CFAP70: variants seen among roughly 807,000 people sequenced by gnomAD.
The protein encoded by CFAP70 is cilia and flagella associated protein 70, also known as cilia- and flagella-associated protein 70.
A neutral mutation model predicts 137.6 loss-of-function variants in CFAP70; 81 were observed. The observed-to-expected ratio is 0.59, with a 90% CI of 0.49 to 0.71. The LOEUF is 0.71. Ranked by LOEUF, CFAP70 falls within the 30% of genes least tolerant of loss-of-function variation. The pLI, the probability that CFAP70 is intolerant of heterozygous loss-of-function variation, is 0.00. For missense variants in CFAP70, 976 were observed against 1,226.7 expected (o/e 0.80, Z 3.05); for synonymous variants, 382 against 423.6 (o/e 0.90, Z 1.20).
intron 3 of CFAP70, among the ~76,000 whole-genome samples, chr10:73,352,061 C>T (rs1438797268): frequency 1.3e-5 from 2 of 152,144 alleles, no homozygotes; most frequent in African/African-American, 2.4e-5. Flanking sequence ...GACTCATTAC[C>T]CTTGGGTGAT....
At chr10:73,361,547 T>C (rs2055010061), upstream of CFAP70, among the ~76,000 whole-genome samples, 1 of 152,074 alleles carries the variant, frequency 6.6e-6, no homozygotes, top group Non-Finnish European at 1.5e-5. Flanking sequence ...TTTAGTGGTA[T>C]GGAAAATATA....
At chr10:73,297,011 A>T in intron 15 of CFAP70, 31 bp downstream of exon 16, 1 of 1,604,096 alleles carries the variant, frequency 6.2e-7, no homozygotes, top group East Asian at 2.2e-5. Flanking sequence ...TCTACAGAGA[A>T]AAGAAAGTGC....
At chr10:73,352,276 A>G (rs2054338402) in intron 3 of CFAP70, among the ~76,000 whole-genome samples, 1 of 152,210 alleles carries the variant, frequency 6.6e-6, no homozygotes, top group Admixed American at 6.5e-5. Context: ...TCACTAGGGT[A>G]ATGGAGAACC....
intron 25 of CFAP70, among the ~76,000 whole-genome samples, chr10:73,268,100 T>C (rs1439242720): frequency 6.6e-6 from 1 of 152,258 alleles, no homozygotes; most frequent in Admixed American, 6.5e-5. Context: ...ACTGATTTGG[T>C]ATTTTATTTA....
Position 73,341,421 on chromosome 10 carries a change from T to C in CFAP70, c.560A>G (p.Glu187Gly), listed in dbSNP as rs1223837902. The C allele has an allele frequency of 3.1e-6, 5 of 1,611,920 alleles. No individual in the cohort carries two copies. The Admixed American group carries it at 6.7e-5, about 22-fold the overall frequency. The change falls in exon 6 of 27, where the codon GAA becomes GGA. Residue 187 changes from glutamate to glycine, a missense_variant. Transcript: ENST00000310715. ...CACCTCAGGATGGTTGAGTTCTCCT[T>C]CTTCTTCTTCATAGGGACCACCAAC...
At chr10:73,352,050 GGA>G (rs1377476869) in intron 3 of CFAP70, among the ~76,000 whole-genome samples, 1 of 152,178 alleles carries the variant, frequency 6.6e-6, no homozygotes, top group African/African-American at 2.4e-5. Flanking sequence ...CAGTGGGTGT[GGA>G]CTCATTACCC....
chr10:73,323,700 A>T (rs951482638), intron 8 of CFAP70, among the ~76,000 whole-genome samples: 2 of 152,210 alleles, frequency 1.3e-5, no homozygotes, highest in East Asian at 3.9e-4. Flanking sequence ...GGAGGGTCCT[A>T]TGCCCATGGA....
intron 12 of CFAP70, among the ~76,000 whole-genome samples, chr10:73,302,242 G>A (rs1356984499): frequency 1.3e-5 from 2 of 152,182 alleles, no homozygotes; most frequent in Non-Finnish European, 2.9e-5. Context: ...CAAGCACTGA[G>A]CTCTGGGGGA....
intron 24 of CFAP70, among the ~76,000 whole-genome samples, chr10:73,270,428 CCT>C (rs2046160052): frequency 7.0e-6 from 1 of 143,116 alleles, no homozygotes; most frequent in South Asian, 2.5e-4. Context: ...CCTCTCCTCT[CCT>C]CTCTCCTCTC....
chr10:73,328,796 T>C (rs1167281119), intron 8 of CFAP70, among the ~76,000 whole-genome samples: 1 of 151,046 alleles, frequency 6.6e-6, no homozygotes, highest in East Asian at 2.0e-4. Flanking sequence ...TGAGATACCA[T>C]CTCACACCAG....
At chr10:73,333,536 CA>C (rs896862908) in intron 7 of CFAP70, among the ~76,000 whole-genome samples, 155 of 151,738 alleles carry the variant, frequency 1.0e-3, no homozygotes, top group Non-Finnish European at 1.8e-3. Context: ...TACAGAAGAA[CA>C]AGGATTAGAA....
At position 73,256,419 on chromosome 10, in the gene CFAP70, GA is replaced by G. The variant is rs1483875710; in HGVS notation, c.3028-4del. On this transcript the variant is annotated splice_region_variant and splice_polypyrimidine_tract_variant and intron_variant, in intron 25 of 26. Coordinates refer to ENST00000310715, the Ensembl canonical transcript of CFAP70. ...TCAGCTTCTAATTGCCGTCCAACCT[GA>G]AAAAAGTGCAGCAGTTGGTGATGAT... The G allele has an allele frequency of 8.1e-6, 13 of 1,613,790 alleles. No individual in the cohort carries two copies. Among genetic ancestry groups the G allele is most frequent in the Non-Finnish European group, 1.0e-5 (12 of 1,179,940 alleles).
At chr10:73,254,344 T>A (rs1005214229) in intron 26 of CFAP70, 11 of 208,156 alleles carry the variant, frequency 5.3e-5, no homozygotes, top group African/African-American at 2.5e-4. Flanking sequence ...TTTTTATTTT[T>A]AAAAAGTGTT....
chr10:73,286,321 G>A (rs1482117059), intron 19 of CFAP70, among the ~76,000 whole-genome samples: 1 of 152,078 alleles, frequency 6.6e-6, no homozygotes, highest in Non-Finnish European at 1.5e-5. Flanking sequence ...GCGGGTGCCT[G>A]TAGTCCCAGC....
intron 9 of CFAP70, 25 bp from the exon 11 acceptor site, chr10:73,312,668 A>C (rs370439232): frequency 1.2e-4 from 188 of 1,531,794 alleles, no homozygotes; most frequent in African/African-American, 3.7e-4. Flanking sequence ...AACAAACAAA[A>C]AAAAGCAATA....
At chr10:73,343,357 C>T (rs1443208132) in intron 5 of CFAP70, among the ~76,000 whole-genome samples, 1 of 152,078 alleles carries the variant, frequency 6.6e-6, no homozygotes, top group Non-Finnish European at 1.5e-5. Flanking sequence ...TATAGAGAAG[C>T]AATCATGGCC....
intron 6 of CFAP70, among the ~76,000 whole-genome samples, chr10:73,338,049 G>C (rs2052853406): frequency 6.6e-6 from 1 of 152,120 alleles, no homozygotes; most frequent in African/African-American, 2.4e-5. Context: ...TGTAAATGGG[G>C]TAACGTTGGT....
intron 25 of CFAP70, among the ~76,000 whole-genome samples, chr10:73,262,076 T>TGTATA (rs36020354): frequency 6.8e-6 from 1 of 146,008 alleles, no homozygotes; most frequent in Non-Finnish European, 1.5e-5. Context: ...TATGTATATA[T>TGTATA]TATATATGTA....
At chr10:73,341,637 A>G in intron 5 of CFAP70, 56 bp from the exon 7 acceptor site, 1 of 1,443,004 alleles carries the variant, frequency 6.9e-7, no homozygotes, top group Non-Finnish European at 9.6e-7. Context: ...TGAAATGGAC[A>G]AGAAGATTAT....
Sources: allele counts gnomAD v4.1 joint callset (sites outside exome capture counted in the v4.1 genomes callset), GRCh38; gene constraint gnomAD v4.1.1; transcripts MANE v1.5; gene names NCBI Gene and HGNC (gene_info 2026-07-23, HGNC 2026-07-21).